NLRP13: variants seen among roughly 807,000 people sequenced by gnomAD.
The protein encoded by NLRP13 is NACHT, LRR and PYD domains-containing protein 13.
In NLRP13, 82 loss-of-function variants were observed where a neutral mutation model predicts 94.4. The observed-to-expected ratio is 0.87, with a 90% CI of 0.73 to 1.04. NLRP13 has a LOEUF of 1.04. NLRP13 is among the 50% of genes least tolerant of loss of function. The pLI is 0.00. For missense variants in NLRP13, 1,426 were observed against 1,230.8 expected (o/e 1.16, Z -2.37); for synonymous variants, 553 against 464.7 (o/e 1.19, Z -2.45).
intron 6 of NLRP13, among the ~76,000 whole-genome samples, chr19:55,908,517 A>T (rs533522555): frequency 6.6e-6 from 1 of 152,238 alleles, no homozygotes; most frequent in African/African-American, 2.4e-5. Flanking sequence ...ACAGGAAATC[A>T]ACCTAAATTC....
intron 4 of NLRP13, among the ~76,000 whole-genome samples, chr19:55,918,412 A>G (rs568597336): frequency 6.6e-6 from 1 of 152,190 alleles, no homozygotes; most frequent in African/African-American, 2.4e-5. Context: ...AGACCAAAAT[A>G]ACAATACAAA....
Position 55,912,460 on chromosome 19 carries a change from T to G in NLRP13, c.1357A>C (p.Thr453Pro). 6.2e-7 allele frequency: 1 copy of G among 1,614,140 alleles called. No individual in the cohort carries two copies. The highest frequency in any genetic ancestry group is 1.1e-5 in the South Asian group (1 of 91,088). ...YDLQSITQTTTSLYAYFFSNL... is the reference protein window; with the variant it reads ...YDLQSITQTTPSLYAYFFSNL... ...GAGAAAAAATAGGCATACAGACTGG[T>G]GGTAGTCTGAGTGATTGACTGGAGA... Residue 453 changes from threonine (T) to proline (P), a missense_variant, in exon 5 of 11, where the codon ACC (threonine) becomes CCC (proline). Transcript: ENST00000342929.
In NLRP13 at chr19:55,912,546, G is replaced by T. The variant is rs751815599; in HGVS notation, c.1271C>A (p.Ala424Asp). ...ACATACGGTCCAACACACCATGGGG[G>T]CACTGCAGGAATGAAAGAGAGTTTC... ...KNETLFHSCS[A>D]PMVCWTVCSC... The change falls in exon 5 of 11, where the codon GCC becomes GAC. Residue 424 changes from alanine to aspartate, a missense_variant. By Grantham distance (126) the Ala-to-Asp change is moderately radical (BLOSUM62 -2). Coordinates refer to ENST00000342929, the MANE Select transcript of NLRP13 (RefSeq NM_176810.2). The T allele has an allele frequency of 1.7e-5, 27 of 1,613,998 alleles. No homozygotes were observed. The highest frequency in any genetic ancestry group is 1.6e-4 in the Middle Eastern group (1 of 6,084).
chr19:55,922,958 G>A (rs1986869807), intron 4 of NLRP13, among the ~76,000 whole-genome samples: 1 of 152,234 alleles, frequency 6.6e-6, no homozygotes, highest in Admixed American at 6.5e-5. Context: ...GACCTCAAGA[G>A]CTGGCTGGGA....
chr19:55,926,002 A>T (rs1308785226), intron 1 of NLRP13, among the ~76,000 whole-genome samples: 4 of 152,088 alleles, frequency 2.6e-5, no homozygotes, highest in African/African-American at 9.7e-5. Context: ...TCTGTCCTGA[A>T]TTCTAACTCT....
In NLRP13 at chr19:55,898,814, T is replaced by A. The variant is rs142504745; in HGVS notation, c.2913A>T (p.Leu971=). ...GATGTGGTTTCAGAGCCTCACACAG[T>A]AGCTTCACTCCATCATCCTGAAGAT... is the stretch of plus-strand genomic sequence containing the variant. The part of the protein sequence containing the change: ...ENDLQDDGVK[L]LCEALKPHRA... The change falls in exon 10 of 11, where the codon CTA becomes CTT. Residue 971 remains leucine, a synonymous_variant. Coordinates refer to ENST00000342929, the MANE Select transcript of NLRP13 (RefSeq NM_176810.2). 1 of 1,613,712 alleles carries A rather than the reference T, an allele frequency of 6.2e-7. No individual in the cohort carries two copies. The highest frequency in any genetic ancestry group is 8.5e-7 in the Non-Finnish European group (1 of 1,179,834).
intron 7 of NLRP13, among the ~76,000 whole-genome samples, chr19:55,906,826 G>C (rs1170734528): frequency 2.6e-5 from 4 of 152,006 alleles, no homozygotes; most frequent in Admixed American, 1.3e-4. Flanking sequence ...TGGATGGCCC[G>C]CATGTCAACG....
intron 1 of NLRP13, among the ~76,000 whole-genome samples, chr19:55,927,094 A>C (rs1284489439): frequency 6.6e-6 from 1 of 152,062 alleles, no homozygotes; most frequent in Non-Finnish European, 1.5e-5. Context: ...AAACCAGCCC[A>C]GCACATTGGC....
chr19:55,902,962 TAATA>T (rs1233953370), intron 8 of NLRP13, among the ~76,000 whole-genome samples: 1 of 149,820 alleles, frequency 6.7e-6, no homozygotes, highest in Non-Finnish European at 1.5e-5. Context: ...CTAATTGTTA[TAATA>T]TATAAATAAC....
chr19:55,904,521 C>T (rs1012118326), intron 8 of NLRP13, among the ~76,000 whole-genome samples: 2 of 152,190 alleles, frequency 1.3e-5, no homozygotes, highest in South Asian at 2.1e-4. Context: ...AAATCAACCC[C>T]ATCCCTGTCA....
intron 4 of NLRP13, among the ~76,000 whole-genome samples, chr19:55,922,328 T>G (rs530090172): frequency 2.0e-5 from 3 of 152,224 alleles, no homozygotes; most frequent in South Asian, 4.2e-4. Context: ...TTTTTTGTTT[T>G]TTTGTTTGTT....
intron 4 of NLRP13, among the ~76,000 whole-genome samples, chr19:55,919,378 C>A (rs972649159): frequency 6.6e-6 from 1 of 152,052 alleles, no homozygotes; most frequent in East Asian, 1.9e-4. Context: ...CCAGAGCAAT[C>A]AGGCAAGAGA....
At position 55,924,971 on chromosome 19, in the gene NLRP13, T is replaced by C; in HGVS notation, c.384A>G (p.Ala128=). ...AACTTAAAGTAGTGTACACACCTGC[T>C]GCTGCTTCTAGCATCTCTAGATCTT... ...TQEDLEMLEA[A]AGNMQTQGCQ... The change falls in exon 2 of 11, where the codon GCA becomes GCG. Residue 128 remains alanine, a synonymous_variant. Transcript: ENST00000342929. The C allele has an allele frequency of 6.2e-7, 1 of 1,614,066 alleles. No homozygotes were observed. Among genetic ancestry groups the C allele is most frequent in the Non-Finnish European group, 8.5e-7 (1 of 1,179,878 alleles).
At chr19:55,896,942 C>T (rs1986034059) in intron 10 of NLRP13, among the ~76,000 whole-genome samples, 1 of 151,116 alleles carries the variant, frequency 6.6e-6, no homozygotes, top group East Asian at 2.0e-4. Flanking sequence ...AAGGTACATA[C>T]TATTTTAAAC....
At position 55,901,356 on chromosome 19, in the gene NLRP13, T is replaced by C. The variant is rs181876355; in HGVS notation, c.2789+679A>G. On this transcript the variant is annotated intron_variant, in intron 9 of 10. Transcript: ENST00000342929. Reference sequence around the variant, plus strand: ...ACCACACAATCTCAACTAGACCTGATTGGCTAAACGTTTGAACTTTTTCTT... The same window carrying C: ...ACCACACAATCTCAACTAGACCTGACTGGCTAAACGTTTGAACTTTTTCTT... Among the ~76,000 whole-genome samples, 543 of 152,258 alleles carry C rather than the reference T, an allele frequency of 3.6e-3. 5 individuals carry two copies. The highest frequency in any genetic ancestry group is 0.01 in the African/African-American group (428 of 41,554).
At chr19:55,903,164 T>C (rs1182374620) in intron 8 of NLRP13, among the ~76,000 whole-genome samples, 3 of 152,134 alleles carry the variant, frequency 2.0e-5, no homozygotes, top group Non-Finnish European at 4.4e-5. Flanking sequence ...GGTGTTACAA[T>C]TCTACACATT....
At position 55,902,209 on chromosome 19, in the gene NLRP13, C is replaced by A. The variant is rs1309904170; in HGVS notation, c.2619-4G>T. The A allele has an allele frequency of 6.2e-7, 1 of 1,613,210 alleles. No individual in the cohort carries two copies. The highest frequency in any genetic ancestry group is 1.1e-5 in the South Asian group (1 of 91,042). ...TGCCAGCTGGCAAAACCAGAGCCTG[C>A]AGGGTGAAAGCCACAGAGATGGACA... On this transcript the variant is annotated splice_region_variant and splice_polypyrimidine_tract_variant and intron_variant, in intron 8 of 10. Coordinates refer to ENST00000342929, the MANE Select transcript of NLRP13 (RefSeq NM_176810.2).
At chr19:55,921,027 A>G (rs1376982968) in intron 4 of NLRP13, among the ~76,000 whole-genome samples, 1 of 152,150 alleles carries the variant, frequency 6.6e-6, no homozygotes, top group Non-Finnish European at 1.5e-5. Context: ...AATAACAAAT[A>G]CCGCAAGTTC....
chr19:55,927,369 GAAAAA>G (rs35906975), intron 1 of NLRP13, among the ~76,000 whole-genome samples: 2 of 123,974 alleles, frequency 1.6e-5, no homozygotes, highest in South Asian at 2.6e-4. Context: ...CTCCATCTAG[GAAAAA>G]AAAAAAAAAA....
Sources: gnomAD v4.1 joint callset for allele counts (sites outside exome capture counted in the v4.1 genomes callset) on GRCh38, gnomAD v4.1.1 for gene constraint, MANE v1.5 for transcripts, NCBI Gene and HGNC (gene_info 2026-07-23, HGNC 2026-07-21) for gene names.